ADGRB3: variants seen among roughly 807,000 people sequenced by gnomAD.
ADGRB3 encodes the protein adhesion G protein-coupled receptor B3, also known as brain-specific angiogenesis inhibitor 3.
In ADGRB3, 37 loss-of-function variants were observed where a neutral mutation model predicts 193.4. The ratio of observed to expected loss-of-function variants is 0.19; its 90% CI spans 0.15 to 0.25. The LOEUF (loss-of-function observed/expected upper bound fraction) is 0.25, where lower values mean the gene tolerates loss of function less well. Ranked by LOEUF, ADGRB3 falls within the 10% of genes least tolerant of loss-of-function variation. The pLI is 1.00. For missense variants in ADGRB3, 1,637 were observed against 1,852.9 expected, an observed-to-expected ratio of 0.88 and a Z score of 2.14; for synonymous variants, 690 against 644.2, an observed-to-expected ratio of 1.07 and a Z score of -1.08.
chr6:68,828,301 A>T (rs546173183), intron 3 of ADGRB3, among the ~76,000 whole-genome samples: 11 of 152,300 alleles, frequency 7.2e-5, no homozygotes, highest in Non-Finnish European at 1.0e-4. Flanking sequence ...TAATCTCAAT[A>T]TGCCAGTAAG....
At chr6:68,930,184 T>G (rs1359326612) in intron 3 of ADGRB3, among the ~76,000 whole-genome samples, 1 of 152,014 alleles carries the variant, frequency 6.6e-6, no homozygotes. Context: ...GTGATTGTTG[T>G]TTAGCAAAGA....
chr6:69,332,586 C>T, intron 23 of ADGRB3: 1 of 985,314 alleles, frequency 1.0e-6, no homozygotes, highest in South Asian at 4.7e-5. Flanking sequence ...ACTGCTTTAG[C>T]CAAATGATTT....
chr6:69,045,831 A>G (rs1771220960), intron 13 of ADGRB3, among the ~76,000 whole-genome samples: 1 of 152,096 alleles, frequency 6.6e-6, no homozygotes, highest in Non-Finnish European at 1.5e-5. Context: ...CACACTGAAA[A>G]CTATGCAATT....
chr6:69,295,235 G>A (rs1385858954), intron 20 of ADGRB3, among the ~76,000 whole-genome samples: 1 of 152,132 alleles, frequency 6.6e-6, no homozygotes, highest in East Asian at 1.9e-4. Flanking sequence ...AAACAATGGA[G>A]CTTCATTTGA....
intron 20 of ADGRB3, among the ~76,000 whole-genome samples, chr6:69,307,372 C>T (rs745375445): frequency 5.9e-5 from 9 of 151,674 alleles, no homozygotes; most frequent in South Asian, 2.1e-4. Context: ...TCTATGTTTA[C>T]GTGTTCCACA....
At chr6:69,178,547 A>G (rs563526365) in intron 17 of ADGRB3, among the ~76,000 whole-genome samples, 1 of 152,260 alleles carries the variant, frequency 6.6e-6, no homozygotes, top group South Asian at 2.1e-4. Flanking sequence ...TATAGGGCCT[A>G]TGAGTTATGT....
At chr6:69,028,283 A>G (rs1770497740) in intron 13 of ADGRB3, among the ~76,000 whole-genome samples, 2 of 152,220 alleles carry the variant, frequency 1.3e-5, no homozygotes, top group South Asian at 4.1e-4. Flanking sequence ...GGCTCAACCA[A>G]GTCCAGCAAG....
At chr6:68,647,376 C>T (rs551671433) in intron 3 of ADGRB3, among the ~76,000 whole-genome samples, 11 of 152,036 alleles carry the variant, frequency 7.2e-5, no homozygotes, top group Admixed American at 5.9e-4. Flanking sequence ...CATTAATGTA[C>T]ATTAATATAA....
intron 3 of ADGRB3, among the ~76,000 whole-genome samples, chr6:68,854,562 T>C (rs1016442246): frequency 6.3e-5 from 6 of 95,492 alleles, no homozygotes; most frequent in Non-Finnish European, 1.1e-4. Context: ...AAAGCTTGTC[T>C]TTTTTTTGGA....
At chr6:69,184,416 A>G (rs767715805) in intron 17 of ADGRB3, among the ~76,000 whole-genome samples, 14 of 152,098 alleles carry the variant, frequency 9.2e-5, no homozygotes, top group Admixed American at 4.6e-4. Flanking sequence ...GCCAACAACA[A>G]AGAAATAAGA....
At chr6:68,685,510 A>G (rs996136169) in intron 3 of ADGRB3, among the ~76,000 whole-genome samples, 1 of 152,150 alleles carries the variant, frequency 6.6e-6, no homozygotes, top group African/African-American at 2.4e-5. Context: ...GTTCTTTAAT[A>G]TAAGGCAAAT....
intron 3 of ADGRB3, among the ~76,000 whole-genome samples, chr6:68,661,341 ATGTG>A (rs71745062): frequency 0.025 from 1,416 of 55,982 alleles, 70 homozygotes; most frequent in African/African-American, 0.059. Context: ...ATATATATAT[ATGTG>A]TGTGTGTGTG....
chr6:68,898,916 CACA>C (rs779681486), intron 3 of ADGRB3, among the ~76,000 whole-genome samples: 24 of 152,016 alleles, frequency 1.6e-4, no homozygotes, highest in Non-Finnish European at 2.5e-4. Flanking sequence ...TAAAATTTGT[CACA>C]ACAAGATTTA....
At chr6:69,093,673 G>A (rs187787527) in intron 17 of ADGRB3, among the ~76,000 whole-genome samples, 5 of 151,100 alleles carry the variant, frequency 3.3e-5, no homozygotes, top group South Asian at 2.1e-4. Context: ...GCCTGGGTTC[G>A]GGGGGATATA....
At chr6:69,015,462 A>G (rs574358093) in intron 12 of ADGRB3, among the ~76,000 whole-genome samples, 2 of 152,134 alleles carry the variant, frequency 1.3e-5, no homozygotes, top group Non-Finnish European at 2.9e-5. Context: ...AGCTGAAAAA[A>G]CAAAAACAAC....
intron 17 of ADGRB3, among the ~76,000 whole-genome samples, chr6:69,107,494 T>C (rs759178384): frequency 2.6e-5 from 4 of 152,246 alleles, no homozygotes; most frequent in Non-Finnish European, 4.4e-5. Flanking sequence ...GATTGTAGCT[T>C]TCTTATTTAA....
chr6:68,739,557 A>G (rs1450983281), intron 3 of ADGRB3, among the ~76,000 whole-genome samples: 1 of 152,166 alleles, frequency 6.6e-6, no homozygotes, highest in East Asian at 1.9e-4. Flanking sequence ...AGATGCAGGT[A>G]GGTGATAGAC....
At chr6:69,037,796 A>G (rs1770918567) in intron 13 of ADGRB3, among the ~76,000 whole-genome samples, 1 of 152,074 alleles carries the variant, frequency 6.6e-6, no homozygotes, top group South Asian at 2.1e-4. Flanking sequence ...ATATCTTCAT[A>G]GCTTCCCACC....
At chr6:69,377,718 G>T (rs1174427802) in intron 30 of ADGRB3, among the ~76,000 whole-genome samples, 1 of 151,994 alleles carries the variant, frequency 6.6e-6, no homozygotes, top group Non-Finnish European at 1.5e-5. Flanking sequence ...GCTTCTAAAA[G>T]TCTGTATACA....
Sources: gnomAD v4.1 joint callset for allele counts (sites outside exome capture counted in the v4.1 genomes callset) on GRCh38, gnomAD v4.1.1 for gene constraint, MANE v1.5 for transcripts, NCBI Gene and HGNC (gene_info 2026-07-23, HGNC 2026-07-21) for gene names.